Variants in AADAT observed in about 807,000 individuals in gnomAD.
AADAT encodes the protein kynurenine/alpha-aminoadipate aminotransferase, mitochondrial.
AADAT carries 25 observed loss-of-function variants against 56.2 expected under a neutral mutation model. That is an observed-to-expected ratio of 0.44 (90% CI 0.32 to 0.62). The LOEUF (loss-of-function observed/expected upper bound fraction) is 0.62, where lower values mean the gene tolerates loss of function less well. AADAT is among the 20% of genes least tolerant of loss of function. AADAT has a pLI of 0.04. For missense variants in AADAT, 387 were observed against 510.5 expected (o/e 0.76, Z 2.33); for synonymous variants, 173 against 164.7 (o/e 1.05, Z -0.39).
upstream of AADAT, among the ~76,000 whole-genome samples, chr4:170,093,955 C>T (rs1732938544): frequency 6.6e-6 from 1 of 152,194 alleles, no homozygotes; most frequent in African/African-American, 2.4e-5. Flanking sequence ...CCTTTCCAAT[C>T]AGTGGTAACA....
intron 11 of AADAT, among the ~76,000 whole-genome samples, chr4:170,063,743 C>T (rs1273466510): frequency 6.6e-6 from 1 of 152,150 alleles, no homozygotes; most frequent in Non-Finnish European, 1.5e-5. Context: ...TCCAATCTGT[C>T]CTTTAGTTCT....
chr4:170,074,858 G>A (rs1191827764), intron 4 of AADAT, among the ~76,000 whole-genome samples: 1 of 151,900 alleles, frequency 6.6e-6, no homozygotes, highest in African/African-American at 2.4e-5. Flanking sequence ...CTCATTCATG[G>A]TTGAGCATTA....
chr4:170,074,127 G>A (rs1282683211), intron 4 of AADAT, among the ~76,000 whole-genome samples: 1 of 152,098 alleles, frequency 6.6e-6, no homozygotes. Flanking sequence ...ACTGTACTGG[G>A]GTCATTGGTT....
chr4:170,069,101 T>G lies in AADAT; in HGVS notation c.803+47A>C, dbSNP rs113835959. 267 of 1,525,792 alleles carry G rather than the reference T, an allele frequency of 1.7e-4. 2 individuals carry two copies. The African/African-American group carries it at 3.2e-3, about 19-fold the overall frequency. 94.5% of individuals were successfully genotyped at this position (1,525,792 alleles called of 1,614,324 possible). On this transcript the variant is annotated intron_variant, in intron 7 of 12. Transcript: ENST00000337664. ...GACTAAAAGATACTGAGGTACTATC[T>G]CTGGCTCTATTAGATCTAGCGTCAA...
At chr4:170,064,856 C>T in intron 10 of AADAT, 31 bp from the exon 11 acceptor site, 1 of 1,582,732 alleles carries the variant, frequency 6.3e-7, no homozygotes, top group Non-Finnish European at 8.6e-7. Context: ...TAAATGTCTT[C>T]CAAAGGAAGG....
chr4:170,061,957 T>C lies in AADAT; in HGVS notation c.1171A>G (p.Ser391Gly), dbSNP rs376931614. The change falls in exon 12 of 13, where the codon AGC becomes GGC. Residue 391 changes from serine (S) to glycine (G), a missense_variant. Ser to Gly is a moderately conservative substitution (Grantham distance 56). Transcript: ENST00000337664. ...CTCAAGTAAGGGCTAGGAGCTGAGCTATCGACGTAGAAAGCATTTCCAGGG... is the reference window on the plus strand; with the variant it reads ...CTCAAGTAAGGGCTAGGAGCTGAGCCATCGACGTAGAAAGCATTTCCAGGG... ...MLPGNAFYVD[S>G]SAPSPYLRAS... 1 of 1,613,086 alleles carries C rather than the reference T, an allele frequency of 6.2e-7. No homozygotes were observed. Among genetic ancestry groups the C allele is most frequent in the African/African-American group, 1.3e-5 (1 of 74,864 alleles).
At chr4:170,082,784 C>G (rs1732379028) in intron 3 of AADAT, among the ~76,000 whole-genome samples, 1 of 151,620 alleles carries the variant, frequency 6.6e-6, no homozygotes, top group South Asian at 2.1e-4. Flanking sequence ...TGTAGCTACA[C>G]TTAGAAAAAA....
intron 11 of AADAT, among the ~76,000 whole-genome samples, chr4:170,062,954 G>A (rs1409617731): frequency 6.6e-6 from 1 of 151,278 alleles, no homozygotes; most frequent in Non-Finnish European, 1.5e-5. Context: ...AATTTCTATT[G>A]CTTATTAAGT....
intron 1 of AADAT, among the ~76,000 whole-genome samples, chr4:170,089,076 T>A (rs1732709188): frequency 6.6e-6 from 1 of 152,178 alleles, no homozygotes; most frequent in African/African-American, 2.4e-5. Flanking sequence ...CAAAAGCTAG[T>A]CTAAAATAAA....
intron 5 of AADAT, among the ~76,000 whole-genome samples, chr4:170,071,888 A>T (rs1248199428): frequency 6.6e-6 from 1 of 152,194 alleles, no homozygotes; most frequent in Non-Finnish European, 1.5e-5. Context: ...AAGGGTAACC[A>T]TTCATAGTTG....
At chr4:170,080,667 GA>G (rs1732255652) in intron 3 of AADAT, among the ~76,000 whole-genome samples, 1 of 152,264 alleles carries the variant, frequency 6.6e-6, no homozygotes, top group East Asian at 1.9e-4. Context: ...CATGCCAATG[GA>G]ATAAATCCTT....
At chr4:170,068,557 C>CAAAA in intron 8 of AADAT, 34 bp downstream of exon 8, 3 of 1,347,640 alleles carry the variant, frequency 2.2e-6, no homozygotes, top group Admixed American at 2.3e-5. Context: ...AATCTGATTA[C>CAAAA]AAAAAAAAAA....
chr4:170,079,021 A>G (rs905555934), intron 3 of AADAT, among the ~76,000 whole-genome samples: 4 of 152,320 alleles, frequency 2.6e-5, no homozygotes, highest in Admixed American at 6.5e-5. Context: ...AGTGTCAGAG[A>G]TAAAATAGCA....
chr4:170,073,276 T>A lies in AADAT; in HGVS notation c.514A>T (p.Arg172Ter), dbSNP rs750792452. 6.2e-7 allele frequency: 1 copy of A among 1,614,136 alleles called. No homozygotes were observed. The highest frequency in any genetic ancestry group is 8.5e-7 in the Non-Finnish European group (1 of 1,180,016). ...GGTTTCCATCTGGAAAGTATGTCTC[T>A]TAGGGAATCTGGAACAATCCCACTT... ...DESGIVPDSL[R>*]DILSRWKPED... Residue 172 changes from arginine (R) to a stop codon, truncating the protein, a stop_gained, in exon 5 of 13, where the codon AGA (arginine) becomes TGA (stop). Coordinates refer to ENST00000337664, the MANE Select transcript of AADAT (RefSeq NM_016228.4). LOFTEE classifies it high-confidence loss of function.
intron 4 of AADAT, among the ~76,000 whole-genome samples, chr4:170,074,644 T>G (rs889194070): frequency 2.0e-5 from 3 of 152,154 alleles, no homozygotes; most frequent in Non-Finnish European, 4.4e-5. Flanking sequence ...CCCCCTGTTA[T>G]GCCGACATTA....
At position 170,060,318 on chromosome 4, in the gene AADAT, A is replaced by G. The variant is rs1176464082; in HGVS notation, c.*610T>C. The G allele has an allele frequency of 7.2e-6, 1 of 138,230 alleles. No homozygotes were observed. Among genetic ancestry groups the G allele is most frequent in the Non-Finnish European group, 1.7e-5 (1 of 58,746 alleles). 8.6% of individuals were successfully genotyped at this position (138,230 alleles called of 1,614,324 possible). A position where few individuals can be genotyped will look rare whatever the true frequency, so the allele number is the denominator to read the frequency against. On this transcript the variant is annotated 3_prime_UTR_variant, in exon 13 of 13. Transcript: ENST00000337664. ...AAAAGTCACTTATAATGACCAAATT[A>G]TAACAATTTTTGCAATAAGCTCTCA...
chr4:170,089,348 C>CT (rs1230564957), intron 1 of AADAT: 16 of 585,976 alleles, frequency 2.7e-5, no homozygotes, highest in Non-Finnish European at 4.3e-5. Context: ...AGCACGCCCC[C>CT]TCCCTTCCAA....
chr4:170,078,707 A>G lies in AADAT; in HGVS notation c.370-124T>C. The G allele has an allele frequency of 7.2e-6, 4 of 552,708 alleles. No homozygotes were observed. The Admixed American group carries it at 9.7e-5, about 13-fold the overall frequency. 34.2% of individuals were successfully genotyped at this position (552,708 alleles called of 1,614,324 possible). ...GAGTAAGAATTAGCAAATTGTTTAT[A>G]AGGGGCCAAACAGTAAACACTTTGC... On this transcript the variant is annotated intron_variant, in intron 3 of 12. Coordinates refer to ENST00000337664, the MANE Select transcript of AADAT (RefSeq NM_016228.4).
rs1257462322 is a variant in AADAT at position 170,073,288 on chromosome 4, G to A, written c.502C>T (p.Pro168Ser). 6.2e-7 allele frequency: 1 copy of A among 1,614,002 alleles called. No homozygotes were observed. Among genetic ancestry groups the A allele is most frequent in the South Asian group, 1.1e-5 (1 of 91,078 alleles). ...NVASDESGIV[P>S]DSLRDILSRW... ...GAAAGTATGTCTCTTAGGGAATCTGGAACAATCCCACTTTCATCACTGGCA... is the reference window on the plus strand; with the variant it reads ...GAAAGTATGTCTCTTAGGGAATCTGAAACAATCCCACTTTCATCACTGGCA... Residue 168 changes from proline (P) to serine (S), a missense_variant, in exon 5 of 13, where the codon CCA (proline) becomes TCA (serine). Pro to Ser is a moderately conservative substitution (Grantham distance 74). Coordinates refer to ENST00000337664, the MANE Select transcript of AADAT (RefSeq NM_016228.4).
Sources: allele counts gnomAD v4.1 joint callset (sites outside exome capture counted in the v4.1 genomes callset), GRCh38; gene constraint gnomAD v4.1.1; transcripts MANE v1.5; gene names NCBI Gene and HGNC (gene_info 2026-07-23, HGNC 2026-07-21).